Variants in CNTN6 observed in about 807,000 individuals in gnomAD.
The protein encoded by CNTN6 is contactin-6.
In CNTN6, 137 loss-of-function variants were observed where a neutral mutation model predicts 122.8. The observed-to-expected ratio is 1.12, with a 90% confidence interval of 0.97 to 1.29. The LOEUF (loss-of-function observed/expected upper bound fraction) is 1.29. Ranked by LOEUF, CNTN6 falls within the 50% of genes most tolerant of loss-of-function variation. The pLI, the probability that CNTN6 is intolerant of heterozygous loss-of-function variation, is 0.00. For missense variants in CNTN6, 1,634 were observed against 1,223.4 expected, an observed-to-expected ratio of 1.34 and a Z score of -5.01; for synonymous variants, 570 against 426.0, an observed-to-expected ratio of 1.34 and a Z score of -4.16.
At chr3:1,228,663 G>A (rs1480605716) in intron 4 of CNTN6, among the ~76,000 whole-genome samples, 2 of 152,140 alleles carry the variant, frequency 1.3e-5, no homozygotes, top group East Asian at 3.9e-4. Flanking sequence ...CTGTTGATGT[G>A]GATAAAGTAG....
chr3:1,341,316 T>C (rs1302539540), intron 11 of CNTN6, among the ~76,000 whole-genome samples: 2 of 152,142 alleles, frequency 1.3e-5, no homozygotes, highest in South Asian at 2.1e-4. Flanking sequence ...TATGAATCTA[T>C]GTTAATTCTC....
intron 4 of CNTN6, among the ~76,000 whole-genome samples, chr3:1,256,754 C>T (rs371088227): frequency 6.6e-6 from 1 of 152,058 alleles, no homozygotes; most frequent in African/African-American, 2.4e-5. Context: ...GGCTACATAT[C>T]ATCTGATTAT....
intron 2 of CNTN6, among the ~76,000 whole-genome samples, chr3:1,202,123 T>C: frequency 6.6e-6 from 1 of 152,062 alleles, no homozygotes; most frequent in Middle Eastern, 3.2e-3. Context: ...CGCTGGGGAG[T>C]GTCACTTATT....
chr3:1,259,713 T>TC (rs2094813974), intron 4 of CNTN6, among the ~76,000 whole-genome samples: 1 of 152,130 alleles, frequency 6.6e-6, no homozygotes, highest in Admixed American at 6.6e-5. Flanking sequence ...GCCTTAATTT[T>TC]CTCATTCATG....
chr3:1,385,439 G>C (rs1692729510), intron 19 of CNTN6, among the ~76,000 whole-genome samples, 172 bp from the exon 20 acceptor site: 2 of 152,066 alleles, frequency 1.3e-5, no homozygotes, highest in African/African-American at 4.8e-5. Context: ...ATAAATATTA[G>C]AGAATAACAA....
chr3:1,228,023 G>T (rs754042407), intron 4 of CNTN6, 30 bp downstream of exon 4: 2 of 1,596,406 alleles, frequency 1.3e-6, no homozygotes, highest in African/African-American at 2.7e-5. Flanking sequence ...TGTAATCTTT[G>T]TCTCTGAAAA....
chr3:1,329,799 T>A lies in CNTN6; in HGVS notation c.1228T>A (p.Phe410Ile), dbSNP rs773128818. ...ELRVLASAPDFSKSPVKKKSF... is the reference protein window; with the variant it reads ...ELRVLASAPDISKSPVKKKSF... ...TTTGTTTTTAGCCTCAGCTCCAGAT[T>A]TCTCCAAAAGTCCAGTTAAAAAAAA... Residue 410 changes from phenylalanine to isoleucine, a missense_variant, in exon 11 of 23, where the codon TTC becomes ATC. Transcript: ENST00000446702. 1 of 1,606,288 alleles carries A rather than the reference T, an allele frequency of 6.2e-7. No individual in the cohort carries two copies. The highest frequency in any genetic ancestry group is 8.5e-7 in the Non-Finnish European group (1 of 1,176,840).
chr3:1,288,128 T>G (rs1256181325), intron 5 of CNTN6, among the ~76,000 whole-genome samples: 2 of 152,136 alleles, frequency 1.3e-5, no homozygotes, highest in Non-Finnish European at 2.9e-5. Flanking sequence ...GTTTGGCCAA[T>G]GTACAACCAG....
intron 5 of CNTN6, among the ~76,000 whole-genome samples, chr3:1,288,710 A>T (rs1471031714): frequency 2.6e-5 from 4 of 152,174 alleles, no homozygotes; most frequent in African/African-American, 7.2e-5. Flanking sequence ...CACATGAGAT[A>T]TTTTTCCTCT....
At chr3:1,123,669 C>A (rs556441194) in intron 1 of CNTN6, among the ~76,000 whole-genome samples, 2 of 151,848 alleles carry the variant, frequency 1.3e-5, no homozygotes, top group African/African-American at 4.8e-5. Context: ...ATTTAGATAC[C>A]TTTTATTCAG....
intron 5 of CNTN6, among the ~76,000 whole-genome samples, chr3:1,280,459 A>ATTTTTTTTTTTTTTGTTTTT (rs1693179478): frequency 1.5e-5 from 1 of 66,652 alleles, no homozygotes; most frequent in Non-Finnish European, 2.7e-5. Context: ...TGTAATACCA[A>ATTTTTTTTTTTTTTGTTTTT]TTTTTTTTTT....
intron 1 of CNTN6, among the ~76,000 whole-genome samples, chr3:1,141,213 G>A (rs1374089910): frequency 6.6e-6 from 1 of 152,156 alleles, no homozygotes; most frequent in Non-Finnish European, 1.5e-5. Context: ...GTGAATTTGA[G>A]ATTTTTAATT....
intron 6 of CNTN6, among the ~76,000 whole-genome samples, chr3:1,297,445 A>C (rs1441864694): frequency 1.3e-5 from 2 of 151,994 alleles, no homozygotes; most frequent in Non-Finnish European, 2.9e-5. Flanking sequence ...CTTAAAACAA[A>C]TTCGTATAGG....
intron 20 of CNTN6, among the ~76,000 whole-genome samples, chr3:1,395,627 T>C (rs565969458): frequency 1.3e-5 from 2 of 152,240 alleles, no homozygotes; most frequent in East Asian, 3.9e-4. Flanking sequence ...ACCTGAATCA[T>C]CCAAGATTAT....
intron 12 of CNTN6, among the ~76,000 whole-genome samples, chr3:1,362,047 C>T (rs975342858): frequency 1.3e-5 from 2 of 152,054 alleles, no homozygotes; most frequent in African/African-American, 4.8e-5. Flanking sequence ...AGCAGCTCAA[C>T]CTTGAGTCAG....
chr3:1,280,652 A>G (rs1693241323), intron 5 of CNTN6, among the ~76,000 whole-genome samples: 2 of 151,466 alleles, frequency 1.3e-5, no homozygotes, highest in African/African-American at 2.4e-5. Context: ...TTTAGTAGAG[A>G]CGGGTTTTCG....
chr3:1,321,404 T>G lies in CNTN6; in HGVS notation c.762-246T>G, dbSNP rs73819703. Among the ~76,000 whole-genome samples, 712 of 151,864 alleles carry G rather than the reference T, an allele frequency of 4.7e-3. 5 individuals are homozygous for G. The highest frequency in any genetic ancestry group is 0.016 in the African/African-American group (675 of 41,492). ...GCAACATAAGGGCAGAGGACATGTC[T>G]ATTTTATTCACCACTATTTTCCCTG... On this transcript the variant is annotated intron_variant, in intron 7 of 22. Coordinates refer to ENST00000446702, the MANE Select transcript of CNTN6 (RefSeq NM_001289080.2).
At chr3:1,157,236 T>C (rs1168815602) in intron 2 of CNTN6, among the ~76,000 whole-genome samples, 1 of 151,512 alleles carries the variant, frequency 6.6e-6, no homozygotes, top group African/African-American at 2.4e-5. Context: ...TTTATTTATT[T>C]ATGTACTTAT....
intron 4 of CNTN6, among the ~76,000 whole-genome samples, chr3:1,245,221 T>TATATATAAC (rs1559595230): frequency 5.3e-4 from 10 of 18,758 alleles, no homozygotes; most frequent in African/African-American, 7.1e-4. Context: ...TATATATATA[T>TATATATAAC]ATATATATAT....
Sources: allele counts gnomAD v4.1 joint callset (sites outside exome capture counted in the v4.1 genomes callset), GRCh38; gene constraint gnomAD v4.1.1; transcripts MANE v1.5; gene names NCBI Gene and HGNC (gene_info 2026-07-23, HGNC 2026-07-21).